The following EYS variants were observed in gnomAD, a reference collection of about 807,000 sequenced individuals.
The protein encoded by EYS is protein eyes shut homolog.
In EYS, 250 loss-of-function variants were observed where a neutral mutation model predicts 282.1. The observed-to-expected ratio is 0.89, with a 90% CI of 0.80 to 0.98. EYS has a LOEUF of 0.98. EYS is among the 50% of genes least tolerant of loss of function. The pLI is 0.00. For missense variants in EYS, 4,016 were observed against 3,709.0 expected, an observed-to-expected ratio of 1.08 and a Z score of -2.15; for synonymous variants, 1,355 against 1,282.9, an observed-to-expected ratio of 1.06 and a Z score of -1.20.
intron 24 of EYS, among the ~76,000 whole-genome samples, chr6:64,608,439 A>G (rs937257944): frequency 1.3e-5 from 2 of 152,192 alleles, no homozygotes; most frequent in Non-Finnish European, 2.9e-5. Context: ...CTATGAAGAC[A>G]AATTATAAAA....
chr6:64,889,844 T>TA (rs1214524850), intron 18 of EYS, among the ~76,000 whole-genome samples: 2 of 151,906 alleles, frequency 1.3e-5, no homozygotes, highest in Non-Finnish European at 2.9e-5. Flanking sequence ...CTGGGCACCT[T>TA]AATAAAAGAA....
At chr6:65,354,301 C>T (rs1332484069) in intron 8 of EYS, among the ~76,000 whole-genome samples, 1 of 152,056 alleles carries the variant, frequency 6.6e-6, no homozygotes, top group African/African-American at 2.4e-5. Context: ...TCAATTATTT[C>T]TACTTCTCCA....
intron 12 of EYS, among the ~76,000 whole-genome samples, chr6:65,244,303 T>G (rs1005598008): frequency 6.6e-6 from 1 of 152,202 alleles, no homozygotes; most frequent in African/African-American, 2.4e-5. Flanking sequence ...GCTGATACAA[T>G]TTGTCCATGA....
intron 30 of EYS, among the ~76,000 whole-genome samples, chr6:64,286,971 G>GTTTTCA (rs1768525991): frequency 6.6e-6 from 1 of 151,990 alleles, no homozygotes. Flanking sequence ...CAAAATTGAA[G>GTTTTCA]TTTTCAGTAC....
chr6:65,564,677 GA>G (rs1420802666), intron 2 of EYS, among the ~76,000 whole-genome samples: 1 of 152,000 alleles, frequency 6.6e-6, no homozygotes, highest in East Asian at 1.9e-4. Context: ...AACCCTAGAA[GA>G]AAACCTAGGC....
At chr6:64,517,077 AT>A in intron 26 of EYS, among the ~76,000 whole-genome samples, 1 of 151,808 alleles carries the variant, frequency 6.6e-6, no homozygotes. Context: ...TCACTTTTTC[AT>A]TTATAAGATT....
In EYS at chr6:64,616,248, T is replaced by C. The variant is rs116398751; in HGVS notation, c.3684+1170A>G. On this transcript the variant is annotated intron_variant, in intron 24 of 42. Transcript: ENST00000503581. Reference sequence around the variant, plus strand: ...CTCTTCGAGGAAGACATTATTGGTATAATCTGAGGTGTCAGAAAAATAACT... The same window carrying C: ...CTCTTCGAGGAAGACATTATTGGTACAATCTGAGGTGTCAGAAAAATAACT... Among the ~76,000 whole-genome samples the C allele has an allele frequency of 3.3e-3, 501 of 152,316 alleles. 1 individual carries two copies. Among genetic ancestry groups the C allele is most frequent in the African/African-American group, 0.011 (440 of 41,586 alleles).
chr6:64,167,453 T>G (rs1317182079), intron 31 of EYS, among the ~76,000 whole-genome samples: 1 of 152,100 alleles, frequency 6.6e-6, no homozygotes, highest in African/African-American at 2.4e-5. Flanking sequence ...CTTGGCTTTT[T>G]TTCTTTCAAA....
intron 12 of EYS, among the ~76,000 whole-genome samples, chr6:65,287,811 G>T (rs1304854453): frequency 6.6e-6 from 1 of 151,072 alleles, no homozygotes; most frequent in East Asian, 1.9e-4. Flanking sequence ...ATTCACAAAG[G>T]ACTCATAAGA....
chr6:65,584,896 A>ATT (rs35235021), intron 2 of EYS, among the ~76,000 whole-genome samples: 33,734 of 149,392 alleles, frequency 0.23, 3,933 homozygotes, highest in East Asian at 0.35. Context: ...TATTATATAT[A>ATT]TTATATATAT....
At chr6:63,837,365 A>G (rs1771836395) in intron 36 of EYS, among the ~76,000 whole-genome samples, 1 of 152,036 alleles carries the variant, frequency 6.6e-6, no homozygotes, top group Admixed American at 6.6e-5. Flanking sequence ...ATCTTAGTGA[A>G]TCATCTAAAA....
intron 41 of EYS, among the ~76,000 whole-genome samples, chr6:63,749,452 A>G (rs1344539812): frequency 6.6e-6 from 1 of 152,124 alleles, no homozygotes; most frequent in Non-Finnish European, 1.5e-5. Context: ...AGAAGAATGT[A>G]TATTTTGTTG....
intron 31 of EYS, among the ~76,000 whole-genome samples, chr6:64,199,462 A>C (rs571121153): frequency 6.6e-6 from 1 of 152,340 alleles, no homozygotes; most frequent in African/African-American, 2.4e-5. Context: ...TAAGACCTAA[A>C]CCATAAAAAC....
rs775629179 is a variant in EYS at position 63,984,593 on chromosome 6, T to G, written c.6845A>C (p.Glu2282Ala). 5.2e-6 allele frequency: 8 copies of G among 1,547,588 alleles called. No individual in the cohort carries two copies. In the South Asian group the frequency reaches 9.5e-5, roughly 18 times the overall value. The change falls in exon 35 of 43, where the codon GAA (glutamate) becomes GCA (alanine). Residue 2282 changes from glutamate (E) to alanine (A), a missense_variant. Transcript: ENST00000503581. Reference protein sequence around the residue: ...EISHASQAYFESMFLGHIPAN... With the variant: ...EISHASQAYFASMFLGHIPAN... ...AGGAATATGGCCAAGGAACATTGAT[T>G]CAAAATATGCCTGTAGAAAAAGTAA...
chr6:64,374,114 C>T (rs1444845311), intron 29 of EYS, among the ~76,000 whole-genome samples: 2 of 150,298 alleles, frequency 1.3e-5, no homozygotes, highest in Non-Finnish European at 3.0e-5. Context: ...GTGGCTGGCC[C>T]AGTTCAGGGT....
rs190567853 is a variant in EYS, at chr6:64,355,150, A to T, written c.6078+33540T>A. On this transcript the variant is annotated intron_variant, in intron 29 of 42. Transcript: ENST00000503581. Reference sequence around the variant, plus strand: ...TGCAAACTAAAATCAATACAGAATTAAAAAAAATTGTCCATGTGCTGCCTA... The same window carrying T: ...TGCAAACTAAAATCAATACAGAATTTAAAAAAATTGTCCATGTGCTGCCTA... 7.4e-3 allele frequency among the ~76,000 whole-genome samples: 1,128 copies of T among 151,642 alleles called. 10 individuals are homozygous for T. Among genetic ancestry groups the T allele is most frequent in the African/African-American group, 0.026 (1,075 of 41,450 alleles).
intron 12 of EYS, among the ~76,000 whole-genome samples, chr6:65,260,244 C>G (rs549546148): frequency 6.6e-6 from 1 of 151,926 alleles, no homozygotes; most frequent in African/African-American, 2.4e-5. Flanking sequence ...CTTTATGATG[C>G]AATTACCTCC....
intron 40 of EYS, among the ~76,000 whole-genome samples, chr6:63,775,373 GT>G (rs1251063224): frequency 6.6e-5 from 10 of 152,146 alleles, no homozygotes; most frequent in African/African-American, 2.4e-4. Context: ...ACTGTTCATT[GT>G]TAAGACCCTT....
chr6:65,219,191 A>T (rs1004278053), intron 12 of EYS, among the ~76,000 whole-genome samples: 3 of 152,170 alleles, frequency 2.0e-5, no homozygotes, highest in African/African-American at 7.2e-5. Context: ...ATTTCTGGAG[A>T]TGTTTAGACA....
Sources: gnomAD v4.1 joint callset for allele counts (sites outside exome capture counted in the v4.1 genomes callset) on GRCh38, gnomAD v4.1.1 for gene constraint, MANE v1.5 for transcripts, NCBI Gene and HGNC (gene_info 2026-07-23, HGNC 2026-07-21) for gene names.